Variants in LDLRAD3 observed in about 807,000 individuals in gnomAD.
The protein encoded by LDLRAD3 is low density lipoprotein receptor class A domain containing 3, also known as low-density lipoprotein receptor class A domain-containing protein 3.
LDLRAD3 carries 20 observed loss-of-function variants against 29.4 expected under a neutral mutation model. The ratio of observed to expected loss-of-function variants is 0.68; its 90% CI spans 0.48 to 0.99. LDLRAD3 has a LOEUF of 0.99. Among genes scored for constraint, LDLRAD3 ranks in the 50% least tolerant of loss-of-function variants. The pLI is 0.00. For missense variants in LDLRAD3, 420 were observed against 454.3 expected, an observed-to-expected ratio of 0.92 and a Z score of 0.69; for synonymous variants, 157 against 192.7, an observed-to-expected ratio of 0.81 and a Z score of 1.53.
chr11:36,208,774 A>G (rs1171641152), intron 4 of LDLRAD3, among the ~76,000 whole-genome samples: 2 of 30,090 alleles, frequency 6.6e-5, no homozygotes, highest in South Asian at 8.1e-4. Context: ...ATAGGGGGGA[A>G]AAAACACCAT....
intron 1 of LDLRAD3, among the ~76,000 whole-genome samples, chr11:36,027,046 G>C (rs1423425684): frequency 6.6e-6 from 1 of 152,182 alleles, no homozygotes; most frequent in Non-Finnish European, 1.5e-5. Context: ...CCCTCTCTTG[G>C]AGTTTGGGTC....
At chr11:36,018,062 C>T (rs923443966) in intron 1 of LDLRAD3, among the ~76,000 whole-genome samples, 5 of 152,138 alleles carry the variant, frequency 3.3e-5, no homozygotes, top group East Asian at 3.8e-4. Flanking sequence ...AGGGCACAAA[C>T]GAGATTAATT....
At chr11:36,219,314 A>T (rs1380134534) in intron 4 of LDLRAD3, among the ~76,000 whole-genome samples, 3 of 152,080 alleles carry the variant, frequency 2.0e-5, no homozygotes, top group African/African-American at 7.2e-5. Context: ...ATTTTTTTTT[A>T]AATAATGAAC....
intron 2 of LDLRAD3, among the ~76,000 whole-genome samples, chr11:36,036,745 A>G (rs56763765): frequency 2.6e-5 from 4 of 152,142 alleles, no homozygotes; most frequent in African/African-American, 7.2e-5. Context: ...GACTGAATAC[A>G]TAGTAACGTG....
intron 1 of LDLRAD3, among the ~76,000 whole-genome samples, chr11:35,963,323 A>G (rs1851300446): frequency 6.6e-6 from 1 of 152,098 alleles, no homozygotes; most frequent in African/African-American, 2.4e-5. Flanking sequence ...CTTAAAAAAA[A>G]TATCAAAGAA....
intron 1 of LDLRAD3, among the ~76,000 whole-genome samples, chr11:35,987,281 G>A (rs944443782): frequency 5.3e-5 from 8 of 152,162 alleles, no homozygotes; most frequent in Admixed American, 5.2e-4. Flanking sequence ...TTTAGATACA[G>A]GGGATACCTG....
chr11:36,022,069 G>C (rs950046843), intron 1 of LDLRAD3, among the ~76,000 whole-genome samples: 1 of 152,154 alleles, frequency 6.6e-6, no homozygotes, highest in South Asian at 2.1e-4. Context: ...TGAAGAACTG[G>C]ACCCACACTG....
At chr11:36,144,680 C>CGT in intron 4 of LDLRAD3, among the ~76,000 whole-genome samples, 1 of 118,946 alleles carries the variant, frequency 8.4e-6, no homozygotes, top group African/African-American at 3.4e-5. Context: ...AAGTGAGGAG[C>CGT]CCCTCCGCCC....
intron 2 of LDLRAD3, among the ~76,000 whole-genome samples, chr11:36,064,479 ATTTTTT>A (rs34464861): frequency 5.1e-4 from 62 of 120,590 alleles, no homozygotes; most frequent in African/African-American, 1.8e-3. Context: ...TGGCTAATTA[ATTTTTT>A]TTTTTTTTTT....
intron 2 of LDLRAD3, among the ~76,000 whole-genome samples, chr11:36,064,009 G>A (rs1322161042): frequency 6.6e-6 from 1 of 152,114 alleles, no homozygotes; most frequent in Non-Finnish European, 1.5e-5. Flanking sequence ...GGGGAGTATT[G>A]CCATCTTACC....
chr11:36,149,516 T>C (rs953492646), intron 4 of LDLRAD3, among the ~76,000 whole-genome samples: 2 of 152,214 alleles, frequency 1.3e-5, no homozygotes, highest in Admixed American at 1.3e-4. Context: ...TCTGAGACGC[T>C]GTCCCTGCAC....
chr11:36,098,194 C>T (rs1451008686), intron 3 of LDLRAD3, 133 bp from the exon 4 acceptor site: 3 of 1,092,538 alleles, frequency 2.7e-6, no homozygotes, highest in Non-Finnish European at 2.6e-6. Context: ...ACAGCATGGG[C>T]TTTGAGTCTG....
At chr11:35,973,145 AGTTTT>A (rs71457394) in intron 1 of LDLRAD3, among the ~76,000 whole-genome samples, 60,901 of 149,378 alleles carry the variant, frequency 0.41, 12,424 homozygotes, top group East Asian at 0.56. Flanking sequence ...GAGGCACCTC[AGTTTT>A]GTTTTGTTTT....
At chr11:36,170,500 T>A (rs1027811503) in intron 4 of LDLRAD3, among the ~76,000 whole-genome samples, 1 of 152,062 alleles carries the variant, frequency 6.6e-6, no homozygotes, top group African/African-American at 2.4e-5. Flanking sequence ...TAATGACTTC[T>A]TTTCCTCTGG....
At chr11:36,168,498 CTTTTTTTT>C (rs5791083) in intron 4 of LDLRAD3, among the ~76,000 whole-genome samples, 1 of 115,828 alleles carries the variant, frequency 8.6e-6, no homozygotes, top group African/African-American at 3.2e-5. Context: ...TTTCTTTCTT[CTTTTTTTT>C]TTTTTTTTTT....
chr11:36,157,689 A>G (rs1330503524), intron 4 of LDLRAD3, among the ~76,000 whole-genome samples: 1 of 152,180 alleles, frequency 6.6e-6, no homozygotes. Context: ...CATTGGGACC[A>G]TCACAGGAAG....
intron 4 of LDLRAD3, among the ~76,000 whole-genome samples, chr11:36,156,403 C>A (rs1427680868): frequency 1.3e-5 from 2 of 152,206 alleles, no homozygotes; most frequent in Non-Finnish European, 2.9e-5. Flanking sequence ...GGTGCCTTGG[C>A]AGAACATGGA....
At chr11:36,197,937 G>A (rs1264181914) in intron 4 of LDLRAD3, 1 of 151,548 alleles carries the variant, frequency 6.6e-6, no homozygotes, top group Non-Finnish European at 1.5e-5. Flanking sequence ...TGTAGTCCCA[G>A]CTACTCAGGA....
At chr11:36,188,592 GTTAGGAAGCTATGACACTTTCA>G in intron 4 of LDLRAD3, among the ~76,000 whole-genome samples, 1 of 152,184 alleles carries the variant, frequency 6.6e-6, no homozygotes, top group Non-Finnish European at 1.5e-5. Flanking sequence ...TTGAAATTTC[GTTAGGAAGCTATGACACTTTCA>G]TATTCCTTCC....
Sources: allele counts gnomAD v4.1 joint callset (sites outside exome capture counted in the v4.1 genomes callset), GRCh38; gene constraint gnomAD v4.1.1; transcripts MANE v1.5; gene names NCBI Gene and HGNC (gene_info 2026-07-23, HGNC 2026-07-21).